CSMD3: variants seen among roughly 807,000 people sequenced by gnomAD.
CSMD3 encodes the protein CUB and sushi domain-containing protein 3.
A neutral mutation model predicts 435.2 loss-of-function variants in CSMD3; 177 were observed. That is an observed-to-expected ratio of 0.41 (90% CI 0.36 to 0.46). CSMD3 has a LOEUF of 0.46. Ranked by LOEUF, CSMD3 falls within the 20% of genes least tolerant of loss-of-function variation. The pLI, the probability that CSMD3 is intolerant of heterozygous loss-of-function variation, is 0.34. For synonymous variants in CSMD3, 1,656 were observed against 1,520.5 expected, an observed-to-expected ratio of 1.09 and a Z score of -2.07; for missense variants, 4,265 against 4,504.6, an observed-to-expected ratio of 0.95 and a Z score of 1.52.
intron 3 of CSMD3, among the ~76,000 whole-genome samples, chr8:113,189,217 G>C (rs1262777129): frequency 6.6e-6 from 1 of 151,698 alleles, no homozygotes; most frequent in Non-Finnish European, 1.5e-5. Context: ...ACTGGTTGTA[G>C]TTCATGATAC....
intron 4 of CSMD3, among the ~76,000 whole-genome samples, chr8:113,119,978 C>T (rs2090941781): frequency 6.7e-6 from 1 of 149,906 alleles, no homozygotes; most frequent in African/African-American, 2.5e-5. Flanking sequence ...TTTAATAATC[C>T]AAGCTCAATA....
intron 6 of CSMD3, among the ~76,000 whole-genome samples, chr8:112,981,082 T>G (rs2085034926): frequency 1.3e-5 from 2 of 151,662 alleles, no homozygotes; most frequent in South Asian, 4.1e-4. Flanking sequence ...TCTACATTGA[T>G]CTTATAAAAT....
At chr8:113,062,896 A>C (rs1172025113) in intron 5 of CSMD3, among the ~76,000 whole-genome samples, 3 of 151,656 alleles carry the variant, frequency 2.0e-5, no homozygotes, top group African/African-American at 7.3e-5. Context: ...AAATACACAA[A>C]AGTATTTTCC....
rs757588646 is a variant in CSMD3, at chr8:112,311,084, A to G, written c.7779T>C (p.Arg2593=). Residue 2593 remains arginine (R), a synonymous_variant, in exon 50 of 71, where the codon CGT becomes CGC. Transcript: ENST00000297405. ...GTCGGAATCCTCGATCACAGGCCCA[A>G]CGGACCACACTGTTAAGCTGCCCAC... ...QTGGQLNSVV[R]WACDRGFRLV... The G allele has an allele frequency of 6.2e-7, 1 of 1,614,096 alleles. No individual in the cohort carries two copies. Among genetic ancestry groups the G allele is most frequent in the South Asian group, 1.1e-5 (1 of 91,082 alleles).
At chr8:112,596,889 C>A (rs1239812228) in intron 22 of CSMD3, among the ~76,000 whole-genome samples, 1 of 151,508 alleles carries the variant, frequency 6.6e-6, no homozygotes, top group Non-Finnish European at 1.5e-5. Context: ...AAATTTATAG[C>A]ACTAAATGCC....
At chr8:112,902,128 A>G (rs1179110452) in intron 10 of CSMD3, among the ~76,000 whole-genome samples, 1 of 151,236 alleles carries the variant, frequency 6.6e-6, no homozygotes, top group Non-Finnish European at 1.5e-5. Flanking sequence ...GTCTGTGACT[A>G]ATGGTTTTAC....
intron 5 of CSMD3, among the ~76,000 whole-genome samples, chr8:113,060,005 T>TC (rs1554764707): frequency 6.7e-6 from 1 of 149,528 alleles, no homozygotes; most frequent in African/African-American, 2.5e-5. Flanking sequence ...ATTTTTTTTT[T>TC]ATTATACTCT....
intron 32 of CSMD3, among the ~76,000 whole-genome samples, chr8:112,444,672 G>C (rs555586090): frequency 6.6e-6 from 1 of 152,292 alleles, no homozygotes; most frequent in Non-Finnish European, 1.5e-5. Context: ...TAATTTAGCA[G>C]AATAAAATCA....
chr8:112,677,319 G>T (rs2075790217), intron 16 of CSMD3, among the ~76,000 whole-genome samples: 1 of 151,400 alleles, frequency 6.6e-6, no homozygotes, highest in African/African-American at 2.4e-5. Flanking sequence ...ATTTTTACAA[G>T]CTATCTTGAA....
intron 31 of CSMD3, among the ~76,000 whole-genome samples, chr8:112,482,375 A>T (rs1819708107): frequency 6.6e-6 from 1 of 152,252 alleles, no homozygotes; most frequent in African/African-American, 2.4e-5. Context: ...CAATTAAAAA[A>T]TTGGGATATA....
At chr8:112,573,704 C>T (rs374220485) in intron 23 of CSMD3, 47 bp from the exon 24 acceptor site, 1 of 1,331,052 alleles carries the variant, frequency 7.5e-7, no homozygotes. Context: ...CAATAATAAT[C>T]AATTCAGAGC....
intron 7 of CSMD3, among the ~76,000 whole-genome samples, chr8:112,973,882 C>A (rs535966572): frequency 4.6e-5 from 7 of 151,940 alleles, no homozygotes; most frequent in African/African-American, 1.4e-4. Flanking sequence ...AAAAGTATAA[C>A]AATTTAAGTC....
intron 13 of CSMD3, among the ~76,000 whole-genome samples, chr8:112,692,915 ATC>A (rs1202011575): frequency 3.7e-3 from 32 of 8,604 alleles, no homozygotes; most frequent in African/African-American, 3.0e-3. Flanking sequence ...TAATCTTTAT[ATC>A]TATCTATCTA....
chr8:113,086,739 T>C (rs1321565739), intron 5 of CSMD3, among the ~76,000 whole-genome samples: 2 of 152,154 alleles, frequency 1.3e-5, no homozygotes, highest in Admixed American at 1.3e-4. Context: ...AAGTATGATA[T>C]TTTATTGGTT....
intron 13 of CSMD3, among the ~76,000 whole-genome samples, chr8:112,747,202 TTTTTTTTTTTTTTTTTTTG>T (rs1563920928): frequency 6.5e-5 from 8 of 123,612 alleles, no homozygotes; most frequent in Non-Finnish European, 1.2e-4. Context: ...TTTTTTTTTT[TTTTTTTTTTTTTTTTTTTG>T]GTGTTGCTTC....
chr8:112,673,941 T>C (rs2075714806), intron 16 of CSMD3, among the ~76,000 whole-genome samples: 2 of 152,046 alleles, frequency 1.3e-5, no homozygotes, highest in Admixed American at 1.3e-4. Context: ...CAGAAGACTT[T>C]TTTTTTTTCT....
At chr8:113,318,174 C>T (rs900279114) in intron 1 of CSMD3, among the ~76,000 whole-genome samples, 5 of 152,114 alleles carry the variant, frequency 3.3e-5, no homozygotes, top group African/African-American at 1.2e-4. Flanking sequence ...TACAGTGAAA[C>T]CATACTTAAT....
intron 22 of CSMD3, among the ~76,000 whole-genome samples, chr8:112,628,980 T>C (rs1230867439): frequency 6.6e-6 from 1 of 152,108 alleles, no homozygotes; most frequent in Non-Finnish European, 1.5e-5. Flanking sequence ...CAAATTTGCA[T>C]CACAGGAGGT....
At chr8:112,851,659 G>GTAATCCC (rs879703381) in intron 11 of CSMD3, among the ~76,000 whole-genome samples, 2 of 151,924 alleles carry the variant, frequency 1.3e-5, no homozygotes, top group Non-Finnish European at 2.9e-5. Flanking sequence ...AGCTACTCAG[G>GTAATCCC]AGGCAGAGAC....
Sources: gnomAD v4.1 joint callset for allele counts (sites outside exome capture counted in the v4.1 genomes callset) on GRCh38, gnomAD v4.1.1 for gene constraint, MANE v1.5 for transcripts, NCBI Gene and HGNC (gene_info 2026-07-23, HGNC 2026-07-21) for gene names.